FRMD6: variants seen among roughly 807,000 people sequenced by gnomAD.
The protein encoded by FRMD6 is FERM domain containing 6.
Under a neutral mutation model 73.2 loss-of-function variants are expected in FRMD6, and 37 were observed. That is an observed-to-expected ratio of 0.51 (90% CI 0.39 to 0.66). The LOEUF (loss-of-function observed/expected upper bound fraction) is 0.66. Among genes scored for constraint, FRMD6 ranks in the 30% least tolerant of loss-of-function variants. The probability of loss-of-function intolerance (pLI) is 0.00; values close to 1 mark genes in which losing one functional copy is unlikely to be tolerated. For synonymous variants in FRMD6, 273 were observed against 282.2 expected (o/e 0.97, Z 0.33); for missense variants, 714 against 780.5 (o/e 0.91, Z 1.02).
intron 1 of FRMD6, among the ~76,000 whole-genome samples, chr14:51,687,914 T>G (rs189066992): frequency 1.4e-3 from 219 of 152,314 alleles, no homozygotes; most frequent in Admixed American, 4.0e-3. Context: ...AGTCCCTTCC[T>G]TCTGCTAAGT....
chr14:51,675,317 A>G (rs1407342942), intron 1 of FRMD6, among the ~76,000 whole-genome samples: 6 of 152,098 alleles, frequency 3.9e-5, no homozygotes, highest in Non-Finnish European at 8.8e-5. Context: ...ATGGAATAAC[A>G]GAAGGCACCT....
At chr14:51,518,063 T>A (rs1459819340) in intron 1 of FRMD6, among the ~76,000 whole-genome samples, 1 of 152,232 alleles carries the variant, frequency 6.6e-6, no homozygotes, top group African/African-American at 2.4e-5. Flanking sequence ...CATATTCCAG[T>A]TAACTTATTT....
rs139631710 is a variant in FRMD6 at position 51,626,120 on chromosome 14, C to T, written c.-147+55710C>T. Among the ~76,000 whole-genome samples, 17 of 152,310 alleles carry T rather than the reference C, an allele frequency of 1.1e-4. No individual in the cohort carries two copies. In the East Asian group the frequency reaches 3.1e-3, roughly 28 times the overall value. On this transcript the variant is annotated intron_variant, in intron 2 of 14. Transcript: ENST00000356218. Reference sequence around the variant, plus strand: ...GAATTTTCTATGAAGGTGGTACATACACACCATAGAATACTATGCAGCCAT... The same window carrying T: ...GAATTTTCTATGAAGGTGGTACATATACACCATAGAATACTATGCAGCCAT...
At position 51,624,123 on chromosome 14, in the gene FRMD6, G is replaced by T. The variant is rs544702252; in HGVS notation, c.-147+53713G>T. ...ATGAGAACACATGGACACACACGGGGAACAACACACTGGGGCCTACCAGAG... is the reference window on the plus strand; with the variant it reads ...ATGAGAACACATGGACACACACGGGTAACAACACACTGGGGCCTACCAGAG... On this transcript the variant is annotated intron_variant, in intron 2 of 14. Transcript: ENST00000356218. 7.2e-5 allele frequency among the ~76,000 whole-genome samples: 11 copies of T among 152,200 alleles called. No homozygotes were observed. The East Asian group carries it at 1.9e-3, about 27-fold the overall frequency.
intron 1 of FRMD6, among the ~76,000 whole-genome samples, chr14:51,489,749 G>A (rs928928874): frequency 1.3e-5 from 2 of 152,154 alleles, no homozygotes; most frequent in Admixed American, 6.5e-5. Flanking sequence ...GTTTATGTAC[G>A]TGTCCTGTAC....
intron 1 of FRMD6, among the ~76,000 whole-genome samples, chr14:51,564,547 A>G (rs1051601846): frequency 6.6e-6 from 1 of 152,202 alleles, no homozygotes; most frequent in Non-Finnish European, 1.5e-5. Flanking sequence ...GAGCTGACCA[A>G]GGGTGGCTTT....
chr14:51,484,875 G>A (rs1566770196), upstream of FRMD6, among the ~76,000 whole-genome samples: 1 of 152,178 alleles, frequency 6.6e-6, no homozygotes, highest in Admixed American at 6.5e-5. Context: ...GGCAGTCAAT[G>A]GGGTAGAAGT....
chr14:51,652,023 C>T (rs1566530665), intron 1 of FRMD6, 27 bp downstream of exon 1: 2 of 152,304 alleles, frequency 1.3e-5, no homozygotes, highest in East Asian at 3.9e-4. Context: ...GGCGTCTGGG[C>T]CCTTTCCGCT....
intron 1 of FRMD6, chr14:51,554,938 A>G (rs563731856): frequency 6.6e-6 from 1 of 152,368 alleles, no homozygotes; most frequent in Non-Finnish European, 1.5e-5. Context: ...GGCACATGGT[A>G]CATGGGAACT....
the FRMD6 span, among the ~76,000 whole-genome samples, chr14:51,440,831 A>G: frequency 9.2e-3 from 1,399 of 152,354 alleles, 25 homozygotes; most frequent in South Asian, 0.03. Flanking sequence ...AACTCAATCA[A>G]GAAGCTATTT....
intron 2 of FRMD6, among the ~76,000 whole-genome samples, chr14:51,587,005 C>T (rs1889087164): frequency 6.6e-6 from 1 of 152,216 alleles, no homozygotes; most frequent in Admixed American, 6.5e-5. Flanking sequence ...AACCTCCTGC[C>T]TTGGCCTCTC....
At chr14:51,591,059 T>G (rs1397592903) in intron 2 of FRMD6, among the ~76,000 whole-genome samples, 1 of 151,660 alleles carries the variant, frequency 6.6e-6, no homozygotes, top group East Asian at 1.9e-4. Flanking sequence ...TGCTGTGGGG[T>G]TTTTTTTGGT....
chr14:51,548,830 T>A (rs1345772973), intron 1 of FRMD6, among the ~76,000 whole-genome samples: 10 of 152,210 alleles, frequency 6.6e-5, no homozygotes, highest in Non-Finnish European at 1.3e-4. Flanking sequence ...CTTCTAAGTG[T>A]GGTCCTGGGA....
At chr14:51,481,359 G>A in the FRMD6 span, among the ~76,000 whole-genome samples, 1 of 152,188 alleles carries the variant, frequency 6.6e-6, no homozygotes, top group African/African-American at 2.4e-5. Flanking sequence ...GACAAAAGAA[G>A]ATGAGAGCCA....
At chr14:51,675,160 A>C (rs1894298771) in intron 1 of FRMD6, among the ~76,000 whole-genome samples, 1 of 152,102 alleles carries the variant, frequency 6.6e-6, no homozygotes, top group African/African-American at 2.4e-5. Flanking sequence ...TCTAGAAGTA[A>C]GCTAAGAGAA....
intron 2 of FRMD6, among the ~76,000 whole-genome samples, chr14:51,637,036 C>CT (rs1256243748): frequency 1.3e-5 from 2 of 152,060 alleles, no homozygotes; most frequent in Admixed American, 6.5e-5. Context: ...CCAGTCTGGG[C>CT]AACACAGGGA....
At position 51,715,310 on chromosome 14, in the gene FRMD6, G is replaced by A; in HGVS notation, c.850-15G>A. 3 of 1,485,992 alleles carry A rather than the reference G, an allele frequency of 2.0e-6. No homozygotes were observed. The highest frequency in any genetic ancestry group is 2.7e-6 in the Non-Finnish European group (3 of 1,109,742). The allele number at this position is 1,485,992 out of a possible 1,614,324, so 92.1% of individuals were successfully genotyped here. A position where few individuals can be genotyped will look rare whatever the true frequency, so the allele number is the denominator to read the frequency against. ...ATTTTTCTTCCTGAATTTGATTCATGGTTTCCTTCCAAAGGGTAAGAAATT... is the reference window on the plus strand; with the variant it reads ...ATTTTTCTTCCTGAATTTGATTCATAGTTTCCTTCCAAAGGGTAAGAAATT... On this transcript the variant is annotated splice_polypyrimidine_tract_variant and intron_variant, in intron 9 of 13. Coordinates refer to ENST00000344768, the MANE Select transcript of FRMD6 (RefSeq NM_001267046.2).
chr14:51,674,412 C>CT (rs1166585387), intron 1 of FRMD6, among the ~76,000 whole-genome samples: 1 of 151,964 alleles, frequency 6.6e-6, no homozygotes, highest in African/African-American at 2.4e-5. Context: ...GTAAGTGAGC[C>CT]ATTTGTGTTG....
At chr14:51,518,596 CTTCTT>C (rs1359809359) in intron 1 of FRMD6, among the ~76,000 whole-genome samples, 3 of 152,164 alleles carry the variant, frequency 2.0e-5, no homozygotes, top group African/African-American at 7.2e-5. Context: ...GGTGGTCAGT[CTTCTT>C]TTTATTATTA....
Sources: allele counts gnomAD v4.1 joint callset (sites outside exome capture counted in the v4.1 genomes callset), GRCh38; gene constraint gnomAD v4.1.1; transcripts MANE v1.5; gene names NCBI Gene and HGNC (gene_info 2026-07-23, HGNC 2026-07-21).